Variants in LRRIQ1 observed in about 807,000 individuals in gnomAD.
The protein encoded by LRRIQ1 is leucine-rich repeat- and IQ domain-containing protein 1.
Under a neutral mutation model 211.9 loss-of-function variants are expected in LRRIQ1, and 210 were observed. The observed-to-expected ratio is 0.99, with a 90% CI of 0.89 to 1.11. LRRIQ1 has a LOEUF of 1.11. Among genes scored for constraint, LRRIQ1 ranks in the 50% most tolerant of loss-of-function variants. The pLI is 0.00. For synonymous variants in LRRIQ1, 699 were observed against 650.1 expected (o/e 1.08, Z -1.14); for missense variants, 2,136 against 1,939.5 (o/e 1.10, Z -1.90).
the LRRIQ1 span, among the ~76,000 whole-genome samples, chr12:85,270,857 C>T: frequency 2.6e-5 from 4 of 152,066 alleles, no homozygotes; most frequent in African/African-American, 7.2e-5. Context: ...TAGAGCTGGA[C>T]GTAACCCCAG....
chr12:85,177,375 T>C (rs1891759763), intron 24 of LRRIQ1, among the ~76,000 whole-genome samples: 1 of 151,974 alleles, frequency 6.6e-6, no homozygotes, highest in Non-Finnish European at 1.5e-5. Context: ...ATAACACAAA[T>C]GAGTAAAGGT....
intron 1 of LRRIQ1, among the ~76,000 whole-genome samples, chr12:85,255,390 C>G (rs1176846494): frequency 6.6e-6 from 1 of 151,778 alleles, no homozygotes; most frequent in Non-Finnish European, 1.5e-5. Context: ...CATTGACTTT[C>G]ATATTTCCTA....
At chr12:85,147,519 A>T (rs991848926) in intron 19 of LRRIQ1, among the ~76,000 whole-genome samples, 1 of 151,718 alleles carries the variant, frequency 6.6e-6, no homozygotes, top group East Asian at 2.0e-4. Context: ...TTGGCTTTTC[A>T]TGTGGCAGAC....
intron 23 of LRRIQ1, 126 bp downstream of exon 23, chr12:85,154,220 A>G (rs2136681459): frequency 4.7e-6 from 2 of 423,190 alleles, no homozygotes; most frequent in East Asian, 8.2e-5. Context: ...TATGTCTAAG[A>G]TACTCTGAAA....
At chr12:85,213,377 A>T (rs909208209) in intron 24 of LRRIQ1, among the ~76,000 whole-genome samples, 3 of 152,038 alleles carry the variant, frequency 2.0e-5, no homozygotes, top group African/African-American at 7.2e-5. Flanking sequence ...AGCAAATTCC[A>T]CAACTATATT....
intron 11 of LRRIQ1, among the ~76,000 whole-genome samples, chr12:85,091,779 A>T (rs1000081320): frequency 3.7e-4 from 56 of 152,260 alleles, no homozygotes; most frequent in Non-Finnish European, 7.2e-4. Flanking sequence ...CTTGCTTCTT[A>T]AAAAATTTGT....
chr12:85,149,307 C>T lies in LRRIQ1; in HGVS notation c.4330-2973C>T, dbSNP rs191094116. On this transcript the variant is annotated intron_variant, in intron 19 of 26. Coordinates refer to ENST00000393217, the MANE Select transcript of LRRIQ1 (RefSeq NM_001079910.2). ...AGGTTTCACATTTACGTCTTTAATC[C>T]AGCTTGAGTTAGTTTTTGTATAAGG... Among the ~76,000 whole-genome samples, 8 of 151,876 alleles carry T rather than the reference C, an allele frequency of 5.3e-5. No homozygotes were observed. The East Asian group carries it at 1.6e-3, about 30-fold the overall frequency.
chr12:85,048,490 C>G (rs1592696620), intron 6 of LRRIQ1: 1 of 149,724 alleles, frequency 6.7e-6, no homozygotes, highest in Non-Finnish European at 1.5e-5. Flanking sequence ...ACCCGGGAGG[C>G]AGACCTTGCA....
intron 24 of LRRIQ1, among the ~76,000 whole-genome samples, chr12:85,188,098 T>C (rs1892317901): frequency 6.6e-6 from 1 of 151,738 alleles, no homozygotes; most frequent in Admixed American, 6.6e-5. Context: ...GGCTTACTGC[T>C]AGGTCCTCAG....
At chr12:85,267,273 CTT>C (rs377695288), downstream of LRRIQ1, among the ~76,000 whole-genome samples, 854 of 151,968 alleles carry the variant, frequency 5.6e-3, 6 homozygotes, top group South Asian at 0.021. Context: ...AATTGGTAAA[CTT>C]AATTTAATAC....
chr12:85,060,145 T>TTTTA, intron 8 of LRRIQ1, among the ~76,000 whole-genome samples: 1 of 151,848 alleles, frequency 6.6e-6, no homozygotes, highest in Non-Finnish European at 1.5e-5. Flanking sequence ...ATGCTGTATG[T>TTTTA]AAAGAACATG....
chr12:85,113,090 A>T (rs950982159), intron 15 of LRRIQ1, among the ~76,000 whole-genome samples: 1 of 152,040 alleles, frequency 6.6e-6, no homozygotes, highest in Non-Finnish European at 1.5e-5. Flanking sequence ...CAATCCGGAG[A>T]CATTTGTGGC....
At chr12:85,174,085 A>G (rs1168553317) in intron 24 of LRRIQ1, among the ~76,000 whole-genome samples, 1 of 152,102 alleles carries the variant, frequency 6.6e-6, no homozygotes, top group Admixed American at 6.6e-5. Context: ...AAGAAAATAT[A>G]TAACATGAAA....
At chr12:85,162,716 A>T (rs1359834825) in intron 24 of LRRIQ1, 1 of 452,906 alleles carries the variant, frequency 2.2e-6, no homozygotes, top group Non-Finnish European at 4.4e-6. Flanking sequence ...ATTTCCACAT[A>T]AGCTTTACGA....
intron 11 of LRRIQ1, among the ~76,000 whole-genome samples, chr12:85,086,094 T>C (rs916913437): frequency 6.6e-6 from 1 of 152,194 alleles, no homozygotes; most frequent in Non-Finnish European, 1.5e-5. Context: ...CTCCAACATC[T>C]GTTATTTTTT....
intron 24 of LRRIQ1, among the ~76,000 whole-genome samples, chr12:85,222,013 T>C (rs375618052): frequency 2.7e-4 from 41 of 152,086 alleles, no homozygotes; most frequent in African/African-American, 9.9e-4. Flanking sequence ...GGGGATTTGA[T>C]AGATTTAACA....
At chr12:85,091,085 C>CT (rs909413980) in intron 11 of LRRIQ1, among the ~76,000 whole-genome samples, 17 of 152,028 alleles carry the variant, frequency 1.1e-4, no homozygotes, top group South Asian at 2.1e-4. Context: ...TCACTTGCTT[C>CT]TTTTTTTTAC....
At chr12:85,072,770 A>C in intron 10 of LRRIQ1, 137 bp from the exon 11 acceptor site, 1 of 450,008 alleles carries the variant, frequency 2.2e-6, no homozygotes, top group Non-Finnish European at 3.8e-6. Context: ...TCAAGTTTAG[A>C]CATTTATTTT....
At chr12:85,261,826 G>A (rs976540119) in intron 1 of LRRIQ1, among the ~76,000 whole-genome samples, 1 of 147,872 alleles carries the variant, frequency 6.8e-6, no homozygotes, top group Non-Finnish European at 1.5e-5. Context: ...TTTGGCTCTT[G>A]TTGTCCAGGC....
Sources: allele counts gnomAD v4.1 joint callset (sites outside exome capture counted in the v4.1 genomes callset), GRCh38; gene constraint gnomAD v4.1.1; transcripts MANE v1.5; gene names NCBI Gene and HGNC (gene_info 2026-07-23, HGNC 2026-07-21).